The following LRRC4C variants were observed in gnomAD, a reference collection of about 807,000 sequenced individuals.
The protein encoded by LRRC4C is leucine rich repeat containing 4C.
Under a neutral mutation model 33.6 loss-of-function variants are expected in LRRC4C, and 5 were observed. The ratio of observed to expected loss-of-function variants is 0.15; its 90% CI spans 0.08 to 0.31. LRRC4C has a LOEUF of 0.31. Among genes scored for constraint, LRRC4C ranks in the 10% least tolerant of loss-of-function variants. LRRC4C has a pLI of 1.00. For missense variants in LRRC4C, 560 were observed against 796.7 expected (o/e 0.70, Z 3.58); for synonymous variants, 329 against 302.0 (o/e 1.09, Z -0.93).
At chr11:40,380,802 AAT>A (rs1191021140) in intron 3 of LRRC4C, among the ~76,000 whole-genome samples, 14 of 152,336 alleles carry the variant, frequency 9.2e-5, no homozygotes, top group African/African-American at 3.1e-4. Context: ...TAAAGCATAA[AAT>A]ATTATTGCTG....
intron 1 of LRRC4C, among the ~76,000 whole-genome samples, chr11:41,233,048 A>G (rs1230163633): frequency 6.6e-6 from 1 of 152,084 alleles, no homozygotes; most frequent in East Asian, 1.9e-4. Context: ...AATAAAAGCT[A>G]AGTAAAACCA....
At chr11:40,847,720 T>C (rs1256707184) in intron 2 of LRRC4C, among the ~76,000 whole-genome samples, 1 of 151,724 alleles carries the variant, frequency 6.6e-6, no homozygotes, top group Admixed American at 6.6e-5. Flanking sequence ...TCAGAAGGAA[T>C]GGCACAAACT....
At chr11:40,599,498 A>T (rs966268414) in intron 3 of LRRC4C, among the ~76,000 whole-genome samples, 1 of 152,068 alleles carries the variant, frequency 6.6e-6, no homozygotes, top group African/African-American at 2.4e-5. Context: ...TCTATTTATT[A>T]GTCATTATCA....
At chr11:40,379,052 A>G (rs1178952737) in intron 3 of LRRC4C, among the ~76,000 whole-genome samples, 5 of 152,170 alleles carry the variant, frequency 3.3e-5, no homozygotes, top group African/African-American at 1.2e-4. Flanking sequence ...TATTAAAGTA[A>G]AAATGACCAA....
At chr11:40,528,765 G>A (rs1368262427) in intron 3 of LRRC4C, among the ~76,000 whole-genome samples, 1 of 151,972 alleles carries the variant, frequency 6.6e-6, no homozygotes, top group Non-Finnish European at 1.5e-5. Flanking sequence ...GATGAATAAA[G>A]AAAATGTGAT....
intron 2 of LRRC4C, among the ~76,000 whole-genome samples, chr11:40,777,659 C>G (rs1021192595): frequency 6.6e-6 from 1 of 151,646 alleles, no homozygotes; most frequent in Non-Finnish European, 1.5e-5. Context: ...ATCTTAAAGA[C>G]AGCAGACAAA....
intron 1 of LRRC4C, among the ~76,000 whole-genome samples, chr11:41,326,061 TG>T (rs1035943245): frequency 6.6e-6 from 1 of 151,850 alleles, no homozygotes; most frequent in Non-Finnish European, 1.5e-5. Flanking sequence ...TCTGTGAGGG[TG>T]TTGCCAAAGG....
intron 1 of LRRC4C, among the ~76,000 whole-genome samples, chr11:40,981,811 G>A (rs1366734705): frequency 2.0e-5 from 3 of 152,040 alleles, no homozygotes; most frequent in African/African-American, 7.2e-5. Context: ...TATTCCATTA[G>A]CCAAGGTGAT....
intron 1 of LRRC4C, among the ~76,000 whole-genome samples, chr11:41,036,689 T>C (rs1336036664): frequency 2.0e-5 from 3 of 152,168 alleles, no homozygotes; most frequent in Admixed American, 2.0e-4. Flanking sequence ...TAAATACAAA[T>C]ATAAAATAAT....
intron 2 of LRRC4C, among the ~76,000 whole-genome samples, chr11:40,739,823 T>C (rs1471385347): frequency 3.9e-5 from 6 of 152,024 alleles, no homozygotes; most frequent in African/African-American, 1.2e-4. Context: ...GAACTGTCAG[T>C]CAATTAAACC....
At chr11:40,703,254 T>C (rs1363261291) in intron 2 of LRRC4C, among the ~76,000 whole-genome samples, 1 of 151,976 alleles carries the variant, frequency 6.6e-6, no homozygotes, top group Non-Finnish European at 1.5e-5. Flanking sequence ...GTCCAAAATG[T>C]AATAACACAA....
intron 2 of LRRC4C, among the ~76,000 whole-genome samples, chr11:40,865,276 G>C (rs868341418): frequency 3.9e-5 from 6 of 152,076 alleles, no homozygotes; most frequent in South Asian, 2.1e-4. Context: ...ATGGTTACTA[G>C]AGGTGGTGCT....
intron 1 of LRRC4C, among the ~76,000 whole-genome samples, chr11:41,067,305 T>C (rs1238067193): frequency 6.6e-6 from 1 of 151,550 alleles, no homozygotes; most frequent in East Asian, 1.9e-4. Context: ...CTAACAAACA[T>C]CAAAAAGACA....
intron 2 of LRRC4C, among the ~76,000 whole-genome samples, chr11:40,737,580 A>C (rs1015376913): frequency 6.6e-6 from 1 of 151,608 alleles, no homozygotes; most frequent in Admixed American, 6.6e-5. Flanking sequence ...CAATAATAAA[A>C]AAAAACAGAG....
chr11:41,242,580 A>G (rs920334998), intron 1 of LRRC4C, among the ~76,000 whole-genome samples: 4 of 152,184 alleles, frequency 2.6e-5, no homozygotes, highest in African/African-American at 9.7e-5. Flanking sequence ...TATAAATTAA[A>G]GGAGTTATAA....
chr11:40,751,874 C>A (rs181349960), intron 2 of LRRC4C, among the ~76,000 whole-genome samples: 3 of 151,888 alleles, frequency 2.0e-5, no homozygotes, highest in African/African-American at 4.8e-5. Flanking sequence ...GCTACAGTAA[C>A]CAAAAAACAG....
chr11:41,458,089 C>T (rs573498866), intron 1 of LRRC4C, among the ~76,000 whole-genome samples: 4 of 152,198 alleles, frequency 2.6e-5, no homozygotes, highest in South Asian at 2.1e-4. Context: ...ACCCAGGCAA[C>T]GTAGCCTCTG....
At chr11:40,654,934 G>A (rs151120116) in intron 2 of LRRC4C, among the ~76,000 whole-genome samples, 2 of 152,242 alleles carry the variant, frequency 1.3e-5, no homozygotes, top group African/African-American at 4.8e-5. Flanking sequence ...GGTTTTTTAA[G>A]TGTCTGGCAT....
chr11:41,092,844 G>A (rs1940525364), intron 1 of LRRC4C, among the ~76,000 whole-genome samples: 1 of 152,160 alleles, frequency 6.6e-6, no homozygotes, highest in Non-Finnish European at 1.5e-5. Context: ...TATGCCTCAT[G>A]GCATGCAATG....
Sources: gnomAD v4.1 joint callset for allele counts (sites outside exome capture counted in the v4.1 genomes callset) on GRCh38, gnomAD v4.1.1 for gene constraint, MANE v1.5 for transcripts, NCBI Gene and HGNC (gene_info 2026-07-23, HGNC 2026-07-21) for gene names.